The following IFT122 variants were observed in gnomAD, a reference collection of about 807,000 sequenced individuals.
IFT122 encodes intraflagellar transport 122, also known as intraflagellar transport protein 122 homolog.
A neutral mutation model predicts 161.6 loss-of-function variants in IFT122; 118 were observed. The ratio of observed to expected loss-of-function variants is 0.73; its 90% CI spans 0.63 to 0.85. IFT122 has a LOEUF of 0.85. Ranked by LOEUF, IFT122 falls within the 40% of genes least tolerant of loss-of-function variation. IFT122 has a pLI of 0.00. For synonymous variants in IFT122, 550 were observed against 602.4 expected (o/e 0.91, Z 1.27); for missense variants, 1,381 against 1,579.6 (o/e 0.87, Z 2.13).
chr3:129,477,768 G>A (rs1426565492), intron 11 of IFT122, among the ~76,000 whole-genome samples: 1 of 152,206 alleles, frequency 6.6e-6, no homozygotes, highest in Admixed American at 6.5e-5. Flanking sequence ...GCAAGTGATG[G>A]TAACAGTGAG....
chr3:129,447,196 G>A (rs1406326241), intron 1 of IFT122, among the ~76,000 whole-genome samples: 2 of 152,188 alleles, frequency 1.3e-5, no homozygotes, highest in African/African-American at 4.8e-5. Flanking sequence ...ACCACAGCCA[G>A]TGACACAGCC....
intron 18 of IFT122, among the ~76,000 whole-genome samples, chr3:129,499,130 C>A (rs1243838643): frequency 2.0e-5 from 3 of 152,220 alleles, no homozygotes; most frequent in African/African-American, 7.2e-5. Flanking sequence ...CAGATTCCCC[C>A]ATGGCCTCCT....
rs188265730 is a variant in IFT122, at chr3:129,502,453, T to G, written c.2376-258T>G. On this transcript the variant is annotated intron_variant, in intron 19 of 29. Coordinates refer to ENST00000348417, the MANE Select transcript of IFT122 (RefSeq NM_052989.3). ...TGGTAGGGGATTAGGAGATAATTGT[T>G]TCTATACCCTGCTGGATAGCTCAGT... Among the ~76,000 whole-genome samples the G allele has an allele frequency of 6.6e-5, 10 of 152,334 alleles. No individual in the cohort carries two copies. In the East Asian group the frequency reaches 1.3e-3, roughly 21 times the overall value.
chr3:129,460,662 G>A (rs1343976825), intron 4 of IFT122, among the ~76,000 whole-genome samples: 2 of 152,068 alleles, frequency 1.3e-5, no homozygotes, highest in African/African-American at 4.8e-5. Flanking sequence ...CTGCTTCTTA[G>A]CTATTATGAA....
At chr3:129,451,021 G>A (rs1307342581) in intron 2 of IFT122, among the ~76,000 whole-genome samples, 3 of 152,042 alleles carry the variant, frequency 2.0e-5, no homozygotes, top group African/African-American at 2.4e-5. Flanking sequence ...CGCCCGGCCA[G>A]ATGGTGTGTT....
rs1316161312 is a variant in IFT122, at chr3:129,512,304, C to T, written c.2887-8C>T. 1.2e-6 allele frequency: 2 copies of T among 1,605,390 alleles called. No individual in the cohort carries two copies. The highest frequency in any genetic ancestry group is 8.5e-7 in the Non-Finnish European group (1 of 1,171,994). ...ACTCAATCCCTGTTTGCTTTTCTCT[C>T]ACTGCAGGAAGATCCGTTCAGTGTC... On this transcript the variant is annotated splice_region_variant and splice_polypyrimidine_tract_variant and intron_variant, in intron 23 of 29. Coordinates refer to ENST00000348417, the MANE Select transcript of IFT122 (RefSeq NM_052989.3).
At position 129,514,453 on chromosome 3, in the gene IFT122, G is replaced by A. The variant is rs762203286; in HGVS notation, c.3052G>A (p.Ala1018Thr). Residue 1018 changes from alanine to threonine, a missense_variant, in exon 25 of 30, where the codon GCC becomes ACC. By Grantham distance (58) the Ala-to-Thr change is moderately conservative. This residue lies in a region of IFT122 where 496 missense variants were observed against 502.5 expected (regional missense o/e 0.99). Coordinates refer to ENST00000348417, the MANE Select transcript of IFT122 (RefSeq NM_052989.3). ...ALGAYRLARHAYDKLRGLYIP... is the reference protein window; with the variant it reads ...ALGAYRLARHTYDKLRGLYIP... ...CGGTGCCTACAGGCTGGCCCGGCAC[G>A]CCTATGACAAGCTGCGTGGCCTGTA... The A allele has an allele frequency of 1.5e-5, 25 of 1,614,154 alleles. No homozygotes were observed. Among genetic ancestry groups the A allele is most frequent in the South Asian group, 5.5e-5 (5 of 91,080 alleles).
chr3:129,476,829 G>C, intron 11 of IFT122, 28 bp downstream of exon 11: 1 of 1,613,886 alleles, frequency 6.2e-7, no homozygotes, highest in Admixed American at 1.7e-5. Flanking sequence ...ACCTTGGGAA[G>C]AGGGACAGGT....
chr3:129,450,488 GTCTACTTCCTCTTC>G (rs753023444), intron 2 of IFT122, among the ~76,000 whole-genome samples: 135 of 152,194 alleles, frequency 8.9e-4, no homozygotes, highest in South Asian at 4.6e-3. Context: ...TTCTGTCTAA[GTCTACTTCCTCTTC>G]TCTGTTGTCT....
chr3:129,498,344 A>G (rs2081135771), intron 18 of IFT122, among the ~76,000 whole-genome samples: 1 of 152,110 alleles, frequency 6.6e-6, no homozygotes. Flanking sequence ...TCCAGCTGCC[A>G]CCCTCATTTC....
At chr3:129,461,661 A>C (rs1338756209) in intron 5 of IFT122, among the ~76,000 whole-genome samples, 1 of 152,196 alleles carries the variant, frequency 6.6e-6, no homozygotes, top group Non-Finnish European at 1.5e-5. Flanking sequence ...GAGACAGTGC[A>C]GTTGTCCTCA....
chr3:129,474,599 G>T (rs1216163315), intron 9 of IFT122, among the ~76,000 whole-genome samples: 2 of 152,258 alleles, frequency 1.3e-5, no homozygotes, highest in East Asian at 3.9e-4. Context: ...GAGGGAAAGA[G>T]CATTCCTGGC....
chr3:129,489,871 G>A (rs2079840526), intron 16 of IFT122, among the ~76,000 whole-genome samples: 2 of 151,336 alleles, frequency 1.3e-5, no homozygotes. Flanking sequence ...TCAGAGGAGG[G>A]AGGAGGCATC....
chr3:129,517,575 G>T lies in IFT122; in HGVS notation c.3372G>T (p.Gln1124His), dbSNP rs1239369047. The T allele has an allele frequency of 3.3e-5, 54 of 1,613,580 alleles. No individual in the cohort carries two copies. The highest frequency in any genetic ancestry group is 4.6e-5 in the Non-Finnish European group (54 of 1,179,730). Residue 1124 changes from glutamine to histidine, a missense_variant, in exon 27 of 30, where the codon CAG becomes CAT. Coordinates refer to ENST00000348417, the MANE Select transcript of IFT122 (RefSeq NM_052989.3). ...EVLRPKRDDR[Q>H]LEIANNSSQI... ...TGAGACCCAAGCGGGATGACAGACA[G>T]CTAGAGATTGCAAACAACAGTATCC... is the stretch of plus-strand genomic sequence containing the variant.
chr3:129,515,335 A>G (rs2083354785), intron 25 of IFT122, 153 bp from the exon 26 acceptor site: 3 of 706,876 alleles, frequency 4.2e-6, no homozygotes, highest in Non-Finnish European at 2.6e-6. Flanking sequence ...TCCCCATGGC[A>G]TGGAGCTCCT....
At chr3:129,477,121 T>C (rs922275712) in intron 11 of IFT122, among the ~76,000 whole-genome samples, 1 of 152,160 alleles carries the variant, frequency 6.6e-6, no homozygotes, top group African/African-American at 2.4e-5. Flanking sequence ...AGCCAGGTGG[T>C]TGACCTGCAT....
chr3:129,506,148 C>T (rs2082170541), intron 21 of IFT122, among the ~76,000 whole-genome samples: 1 of 152,206 alleles, frequency 6.6e-6, no homozygotes, highest in African/African-American at 2.4e-5. Context: ...AATTTGGCCC[C>T]TCCAGTTTTT....
At chr3:129,468,150 C>T (rs539993382) in intron 8 of IFT122, among the ~76,000 whole-genome samples, 86 of 152,278 alleles carry the variant, frequency 5.6e-4, no homozygotes, top group African/African-American at 2.0e-3. Context: ...GTCTCTTTTC[C>T]CTTAGTTTTG....
intron 26 of IFT122, 125 bp from the exon 27 acceptor site, chr3:129,517,344 C>T: frequency 8.3e-7 from 1 of 1,198,232 alleles, no homozygotes; most frequent in Admixed American, 2.0e-5. Flanking sequence ...GCCCCTGCTG[C>T]CTCTTCTTGC....
Sources: gnomAD v4.1 joint callset for allele counts (sites outside exome capture counted in the v4.1 genomes callset) on GRCh38, gnomAD v4.1.1 for gene constraint, gnomAD v4.1.1 regional missense constraint, MANE v1.5 for transcripts, NCBI Gene and HGNC (gene_info 2026-07-23, HGNC 2026-07-21) for gene names.